NXPH4: variants seen among roughly 807,000 people sequenced by gnomAD.
NXPH4 encodes neurexophilin-4.
NXPH4 carries 8 observed loss-of-function variants against 21.3 expected under a neutral mutation model. The observed-to-expected ratio is 0.38, with a 90% CI of 0.22 to 0.68. The LOEUF is 0.68. Among genes scored for constraint, NXPH4 ranks in the 30% least tolerant of loss-of-function variants. The pLI is 0.53. For missense variants in NXPH4, 418 were observed against 416.8 expected, an observed-to-expected ratio of 1.00 and a Z score of -0.03; for synonymous variants, 219 against 192.6, an observed-to-expected ratio of 1.14 and a Z score of -1.13.
chr12:57,224,912 C>G lies in NXPH4; in HGVS notation c.92C>G (p.Pro31Arg). The G allele has an allele frequency of 1.6e-6, 2 of 1,248,832 alleles. No individual in the cohort carries two copies. Among genetic ancestry groups the G allele is most frequent in the Non-Finnish European group, 2.1e-6 (2 of 941,970 alleles). 77.4% of individuals were successfully genotyped at this position (1,248,832 alleles called of 1,614,324 possible). ...VSAQIPESGR[P>R]QYLGLRPAAA... ...GCCCAGATACCAGAGTCCGGAAGGC[C>G]GCAGTACCTGGGGCTGCGCCCCGCC... The change falls in exon 2 of 2, where the codon CCG (proline) becomes CGG (arginine). Residue 31 changes from proline to arginine, a missense_variant. Pro to Arg is a moderately radical substitution (Grantham distance 103). Transcript: ENST00000349394.
At chr12:57,223,729 C>T (rs1816993953) in intron 1 of NXPH4, among the ~76,000 whole-genome samples, 1 of 152,256 alleles carries the variant, frequency 6.6e-6, no homozygotes. Context: ...CTTCCTCTTG[C>T]TTCCTGTCTC....
At position 57,225,430 on chromosome 12, in the gene NXPH4, C is replaced by T. The variant is rs202037257; in HGVS notation, c.610C>T (p.Leu204Phe). 1 of 1,602,868 alleles carries T rather than the reference C, an allele frequency of 6.2e-7. No individual in the cohort carries two copies. Among genetic ancestry groups the T allele is most frequent in the Admixed American group, 1.7e-5 (1 of 59,832 alleles). Residue 204 changes from leucine (L) to phenylalanine (F), a missense_variant, in exon 2 of 2, where the codon CTT becomes TTT. By Grantham distance (22) the Leu-to-Phe change is conservative (BLOSUM62 0). Coordinates refer to ENST00000349394, the MANE Select transcript of NXPH4 (RefSeq NM_007224.4). Reference sequence around the variant, plus strand: ...GGCAGCAGCAGCGGCGGGGCCCGGGCTTGGGGGCTCCCTCGGGGGCGCACT... The same window carrying T: ...GGCAGCAGCAGCGGCGGGGCCCGGGTTTGGGGGCTCCCTCGGGGGCGCACT... ...GMAAAAAGPG[L>F]GGSLGGALAG...
intron 1 of NXPH4, among the ~76,000 whole-genome samples, chr12:57,222,084 A>G (rs1173165543): frequency 6.6e-6 from 1 of 152,068 alleles, no homozygotes; most frequent in East Asian, 1.9e-4. Context: ...ATCTTATTTT[A>G]TTTTATTCCA....
chr12:57,219,729 CA>C (rs11310666), intron 1 of NXPH4: 63,100 of 152,114 alleles, frequency 0.41, 13,913 homozygotes, highest in African/African-American at 0.56. Context: ...GCCAGGGGGA[CA>C]GGGGAGGGCC....
intron 1 of NXPH4, among the ~76,000 whole-genome samples, chr12:57,220,552 A>AG (rs2037081853): frequency 6.6e-6 from 1 of 152,156 alleles, no homozygotes; most frequent in Non-Finnish European, 1.5e-5. Flanking sequence ...GGGTAGAGGG[A>AG]GGGGGCGTCC....
intron 1 of NXPH4, chr12:57,221,603 C>G (rs1364367504): frequency 1.5e-5 from 5 of 327,386 alleles, no homozygotes; most frequent in South Asian, 1.2e-4. Flanking sequence ...CCCCGCTCCC[C>G]GAATGGGCCT....
intron 1 of NXPH4, chr12:57,221,306 G>C: frequency 2.2e-6 from 1 of 455,362 alleles, no homozygotes; most frequent in Non-Finnish European, 4.4e-6. Flanking sequence ...CCCTTCCCCA[G>C]CCCAGGCCTG....
At chr12:57,221,965 GAAAAGAGACTGAGAGAC>G (rs1385647566) in intron 1 of NXPH4, among the ~76,000 whole-genome samples, 42 of 152,328 alleles carry the variant, frequency 2.8e-4, no homozygotes, top group Non-Finnish European at 1.2e-4. Flanking sequence ...GAGACAGTGA[GAAAAGAGACTGAGAGAC>G]AAAAGAGACT....
chr12:57,225,464 CGCT>C lies in NXPH4; in HGVS notation c.645_647del (p.Leu216del). 6.3e-7 allele frequency: 1 copy of C among 1,598,132 alleles called. No individual in the cohort carries two copies. The highest frequency in any genetic ancestry group is 8.5e-7 in the Non-Finnish European group (1 of 1,174,054). ...TCCCTCGGGGGCGCACTGGCGGGGC[CGCT>C]TGGGGGCGCGTTGGGAGTGCCTGGG... is the stretch of plus-strand genomic sequence containing the variant. On this transcript the variant is annotated inframe_deletion, in exon 2 of 2. Coordinates refer to ENST00000349394, the MANE Select transcript of NXPH4 (RefSeq NM_007224.4).
At position 57,225,464 on chromosome 12, in the gene NXPH4, C is replaced by A. The variant is rs1397229631; in HGVS notation, c.644C>A (p.Pro215Gln). ...GGSLGGALAG[P>Q]LGGALGVPGA... Reference sequence around the variant, plus strand: ...TCCCTCGGGGGCGCACTGGCGGGGCCGCTTGGGGGCGCGTTGGGAGTGCCT... The same window carrying A: ...TCCCTCGGGGGCGCACTGGCGGGGCAGCTTGGGGGCGCGTTGGGAGTGCCT... Residue 215 changes from proline to glutamine, a missense_variant, in exon 2 of 2, where the codon CCG becomes CAG. Pro to Gln is a moderately conservative substitution (Grantham distance 76). Coordinates refer to ENST00000349394, the MANE Select transcript of NXPH4 (RefSeq NM_007224.4). 1 of 1,598,014 alleles carries A rather than the reference C, an allele frequency of 6.3e-7. No individual in the cohort carries two copies. Among genetic ancestry groups the A allele is most frequent in the Non-Finnish European group, 8.5e-7 (1 of 1,174,062 alleles).
At chr12:57,221,664 G>A (rs1320175696) in intron 1 of NXPH4, 3 of 278,720 alleles carry the variant, frequency 1.1e-5, no homozygotes, top group Non-Finnish European at 2.2e-5. Context: ...CCCCGCCCCC[G>A]CGCCGACAGC....
chr12:57,217,491 A>G (rs918560829), intron 1 of NXPH4, among the ~76,000 whole-genome samples: 3 of 152,150 alleles, frequency 2.0e-5, no homozygotes, highest in Non-Finnish European at 2.9e-5. Flanking sequence ...GGGAGCATCC[A>G]TGGCCCGAGC....
chr12:57,223,501 C>A (rs1037018016), intron 1 of NXPH4, among the ~76,000 whole-genome samples: 10 of 152,174 alleles, frequency 6.6e-5, no homozygotes, highest in African/African-American at 2.4e-4. Context: ...ACCACAGCCA[C>A]ACACACATGT....
At position 57,226,301 on chromosome 12, in the gene NXPH4, G is replaced by T. The variant is rs2037148494; in HGVS notation, c.*554G>T. On this transcript the variant is annotated 3_prime_UTR_variant, in exon 2 of 2. Transcript: ENST00000349394. The stretch of plus-strand genomic sequence containing the variant: ...GCAGAACCCCTGGGCTGAGGCCCTG[G>T]CCCTGCCCCCGGCCCCTGCCCCTGC... The T allele has an allele frequency of 3.9e-6, 1 of 255,688 alleles. No homozygotes were observed. Among genetic ancestry groups the T allele is most frequent in the Non-Finnish European group, 7.4e-6 (1 of 135,360 alleles). 15.8% of individuals were successfully genotyped at this position (255,688 alleles called of 1,614,324 possible). A position where few individuals can be genotyped will look rare whatever the true frequency, so the allele number is the denominator to read the frequency against.
intron 1 of NXPH4, among the ~76,000 whole-genome samples, chr12:57,218,634 G>C (rs977545809): frequency 1.3e-5 from 2 of 152,232 alleles, no homozygotes; most frequent in Admixed American, 6.5e-5. Context: ...GAGAGTGAGC[G>C]TGAGGATATG....
intron 1 of NXPH4, among the ~76,000 whole-genome samples, chr12:57,221,891 C>G (rs1341806080): frequency 6.6e-6 from 1 of 152,114 alleles, no homozygotes; most frequent in Non-Finnish European, 1.5e-5. Context: ...ACCTGAAGGA[C>G]AGCAGGAGAG....
At chr12:57,218,181 T>TC (rs1209112949) in intron 1 of NXPH4, among the ~76,000 whole-genome samples, 2 of 152,204 alleles carry the variant, frequency 1.3e-5, no homozygotes, top group East Asian at 3.9e-4. Flanking sequence ...GTGTATTTCT[T>TC]CCCCCAACAC....
chr12:57,225,486 G>T lies in NXPH4; in HGVS notation c.666G>T (p.Val222=), dbSNP rs1336545399. 1 of 1,605,128 alleles carries T rather than the reference G, an allele frequency of 6.2e-7. No individual in the cohort carries two copies. Among genetic ancestry groups the T allele is most frequent in the Non-Finnish European group, 8.5e-7 (1 of 1,177,038 alleles). ...GGCCGCTTGGGGGCGCGTTGGGAGT[G>T]CCTGGGGCCAAAGAGTCACGCGCTT... ...LAGPLGGALG[V]PGAKESRAFN... Residue 222 remains valine (V), a synonymous_variant, in exon 2 of 2, where the codon GTG becomes GTT. Transcript: ENST00000349394.
chr12:57,218,296 C>T (rs1247088352), intron 1 of NXPH4, among the ~76,000 whole-genome samples: 1 of 152,250 alleles, frequency 6.6e-6, no homozygotes, highest in Non-Finnish European at 1.5e-5. Context: ...CCCAGCCCCA[C>T]CTGGTGACCT....
Sources: gnomAD v4.1 joint callset for allele counts (sites outside exome capture counted in the v4.1 genomes callset) on GRCh38, gnomAD v4.1.1 for gene constraint, MANE v1.5 for transcripts, NCBI Gene and HGNC (gene_info 2026-07-23, HGNC 2026-07-21) for gene names.